NALF1: variants seen among roughly 807,000 people sequenced by gnomAD.
The protein encoded by NALF1 is family with sequence similarity 155 member A.
Under a neutral mutation model 48.4 loss-of-function variants are expected in NALF1, and 3 were observed. The ratio of observed to expected loss-of-function variants is 0.06; its 90% CI spans 0.03 to 0.16. NALF1 has a LOEUF of 0.16. NALF1 is among the 10% of genes least tolerant of loss of function. The pLI is 1.00. For missense variants in NALF1, 526 were observed against 571.5 expected, an observed-to-expected ratio of 0.92 and a Z score of 0.81; for synonymous variants, 262 against 245.7, an observed-to-expected ratio of 1.07 and a Z score of -0.62.
intron 1 of NALF1, among the ~76,000 whole-genome samples, chr13:107,676,668 A>C (rs1020227501): frequency 6.6e-6 from 1 of 150,662 alleles, no homozygotes; most frequent in Admixed American, 6.6e-5. Flanking sequence ...AATTCTAGCT[A>C]CAATTTACAG....
chr13:107,526,615 G>C (rs1876453536), intron 1 of NALF1, among the ~76,000 whole-genome samples: 1 of 151,988 alleles, frequency 6.6e-6, no homozygotes, highest in Non-Finnish European at 1.5e-5. Flanking sequence ...TTTAGCAAGG[G>C]GACTCTAACA....
chr13:107,307,268 T>C (rs1240256587), intron 1 of NALF1, among the ~76,000 whole-genome samples: 2 of 152,168 alleles, frequency 1.3e-5, no homozygotes, highest in African/African-American at 4.8e-5. Flanking sequence ...GTGTCCACAC[T>C]GCATACCATT....
At chr13:107,462,831 A>C (rs1346895718) in intron 1 of NALF1, among the ~76,000 whole-genome samples, 1 of 152,182 alleles carries the variant, frequency 6.6e-6, no homozygotes, top group African/African-American at 2.4e-5. Context: ...GGAAGCTTGC[A>C]CCTCATTTCT....
At chr13:107,515,579 C>T (rs1191953568) in intron 1 of NALF1, among the ~76,000 whole-genome samples, 1 of 152,208 alleles carries the variant, frequency 6.6e-6, no homozygotes, top group Non-Finnish European at 1.5e-5. Context: ...AGCTGCAAAG[C>T]TCATATTCTT....
intron 1 of NALF1, among the ~76,000 whole-genome samples, chr13:107,294,679 T>C (rs1237442399): frequency 2.0e-5 from 3 of 152,208 alleles, no homozygotes; most frequent in East Asian, 1.9e-4. Context: ...CCCGAAAAAC[T>C]TGTCGAAGCT....
intron 1 of NALF1, among the ~76,000 whole-genome samples, chr13:107,603,461 T>A (rs1220348189): frequency 6.6e-6 from 1 of 152,148 alleles, no homozygotes; most frequent in African/African-American, 2.4e-5. Context: ...GAGATAAAAG[T>A]CATCAACATG....
At chr13:107,638,207 A>ATATATAT (rs533265281) in intron 1 of NALF1, among the ~76,000 whole-genome samples, 5 of 142,568 alleles carry the variant, frequency 3.5e-5, no homozygotes, top group Non-Finnish European at 6.2e-5. Flanking sequence ...ATATATATAT[A>ATATATAT]ATTTAAGATG....
At chr13:107,777,448 G>C (rs1304600578) in intron 1 of NALF1, among the ~76,000 whole-genome samples, 2 of 152,180 alleles carry the variant, frequency 1.3e-5, no homozygotes, top group Non-Finnish European at 2.9e-5. Context: ...CCTGGTGGGA[G>C]GTGTTTGGAT....
intron 1 of NALF1, among the ~76,000 whole-genome samples, chr13:107,233,286 G>A (rs1178925790): frequency 6.6e-6 from 1 of 152,138 alleles, no homozygotes; most frequent in Non-Finnish European, 1.5e-5. Context: ...TACAGGAGAA[G>A]GTGAGACACA....
intron 1 of NALF1, among the ~76,000 whole-genome samples, chr13:107,673,214 C>G (rs1881032414): frequency 6.6e-6 from 1 of 152,150 alleles, no homozygotes; most frequent in Non-Finnish European, 1.5e-5. Flanking sequence ...CTCCTGTCTT[C>G]TCCTCTGCTG....
At chr13:107,371,460 A>AATAC (rs1318227496) in intron 1 of NALF1, among the ~76,000 whole-genome samples, 2 of 147,054 alleles carry the variant, frequency 1.4e-5, no homozygotes, top group Non-Finnish European at 2.9e-5. Context: ...ATAAAAATAA[A>AATAC]ATAAATAAAT....
intron 1 of NALF1, among the ~76,000 whole-genome samples, chr13:107,722,192 G>A (rs571426355): frequency 5.9e-4 from 89 of 152,098 alleles, no homozygotes; most frequent in African/African-American, 2.1e-3. Flanking sequence ...AGCAGTATGC[G>A]TCACTCATAT....
In NALF1 at chr13:107,669,626, A is replaced by G. The variant is rs1195673581; in HGVS notation, c.915+196056T>C. On this transcript the variant is annotated intron_variant, in intron 1 of 2. Coordinates refer to ENST00000375915, the MANE Select transcript of NALF1 (RefSeq NM_001080396.3). ...GAGCTCATCACAAAGGTTCACCAAC[A>G]CAACCACATTTTTCAGAGATGAACC... Among the ~76,000 whole-genome samples, 4 of 152,298 alleles carry G rather than the reference A, an allele frequency of 2.6e-5. No individual in the cohort carries two copies. The East Asian group carries it at 7.7e-4, about 29-fold the overall frequency.
chr13:107,519,447 A>G (rs548618618), intron 1 of NALF1, among the ~76,000 whole-genome samples: 1 of 152,294 alleles, frequency 6.6e-6, no homozygotes, highest in Non-Finnish European at 1.5e-5. Context: ...ATGGTTTCCA[A>G]AAAACCTACT....
At position 107,517,909 on chromosome 13, in the gene NALF1, G is replaced by A. The variant is rs767988277; in HGVS notation, c.916-307154C>T. On this transcript the variant is annotated intron_variant, in intron 1 of 2. Transcript: ENST00000375915. Reference sequence around the variant, plus strand: ...GGACGTTTCAGTGAGCCGAGGTTGCGCCATGTTGCACTCCAGCCTGGATGA... The same window carrying A: ...GGACGTTTCAGTGAGCCGAGGTTGCACCATGTTGCACTCCAGCCTGGATGA... Among the ~76,000 whole-genome samples, 9 of 150,090 alleles carry A rather than the reference G, an allele frequency of 6.0e-5. No homozygotes were observed. In the South Asian group the frequency reaches 1.3e-3, roughly 21 times the overall value.
intron 1 of NALF1, among the ~76,000 whole-genome samples, chr13:107,474,683 C>G (rs1261958754): frequency 6.6e-6 from 1 of 152,082 alleles, no homozygotes; most frequent in Non-Finnish European, 1.5e-5. Flanking sequence ...TCATAGTACA[C>G]AGTCAAGAAC....
chr13:107,280,379 A>G (rs1881363822), intron 1 of NALF1, among the ~76,000 whole-genome samples: 1 of 152,214 alleles, frequency 6.6e-6, no homozygotes, highest in Non-Finnish European at 1.5e-5. Flanking sequence ...GTTACATACA[A>G]AACCACATGA....
At chr13:107,520,732 G>A (rs1019738926) in intron 1 of NALF1, among the ~76,000 whole-genome samples, 1 of 152,192 alleles carries the variant, frequency 6.6e-6, no homozygotes, top group Non-Finnish European at 1.5e-5. Flanking sequence ...GCCTGCCCGT[G>A]CATCATAGAA....
At chr13:107,445,797 AG>A (rs1198126692) in intron 1 of NALF1, among the ~76,000 whole-genome samples, 1 of 152,164 alleles carries the variant, frequency 6.6e-6, no homozygotes, top group African/African-American at 2.4e-5. Flanking sequence ...GTCTCTCCAC[AG>A]TTTGCATTCC....
Sources: gnomAD v4.1 joint callset for allele counts (sites outside exome capture counted in the v4.1 genomes callset) on GRCh38, gnomAD v4.1.1 for gene constraint, MANE v1.5 for transcripts, NCBI Gene and HGNC (gene_info 2026-07-23, HGNC 2026-07-21) for gene names.